ACOXL: variants seen among roughly 807,000 people sequenced by gnomAD.
ACOXL encodes the protein acyl-CoA oxidase like, also known as acyl-coenzyme A oxidase-like protein.
A neutral mutation model predicts 71.9 loss-of-function variants in ACOXL; 70 were observed. The ratio of observed to expected loss-of-function variants is 0.97; its 90% CI spans 0.80 to 1.19. The LOEUF (loss-of-function observed/expected upper bound fraction) is 1.19. Ranked by LOEUF, ACOXL falls within the 50% of genes most tolerant of loss-of-function variation. The pLI, the probability that ACOXL is intolerant of heterozygous loss-of-function variation, is 0.00. For synonymous variants in ACOXL, 253 were observed against 281.6 expected, an observed-to-expected ratio of 0.90 and a Z score of 1.02; for missense variants, 703 against 736.3, an observed-to-expected ratio of 0.95 and a Z score of 0.52.
chr2:110,852,110 G>A (rs1692673691), intron 10 of ACOXL, among the ~76,000 whole-genome samples: 1 of 152,200 alleles, frequency 6.6e-6, no homozygotes, highest in South Asian at 2.1e-4. Flanking sequence ...GCTGGTGTTT[G>A]TGGCAGGTCT....
At chr2:111,077,526 G>A (rs977676935) in intron 16 of ACOXL, among the ~76,000 whole-genome samples, 15 of 152,002 alleles carry the variant, frequency 9.9e-5, no homozygotes, top group South Asian at 2.1e-4. Context: ...CTCTTCCTTC[G>A]TTCCTGATTG....
At chr2:110,927,979 A>G (rs2149320725) in intron 11 of ACOXL, among the ~76,000 whole-genome samples, 1 of 152,342 alleles carries the variant, frequency 6.6e-6, no homozygotes, top group East Asian at 1.9e-4. Context: ...GAAAATGATT[A>G]ACAATTTTAA....
chr2:111,049,738 A>G (rs962828619), intron 16 of ACOXL, among the ~76,000 whole-genome samples: 1 of 152,186 alleles, frequency 6.6e-6, no homozygotes, highest in Non-Finnish European at 1.5e-5. Flanking sequence ...CACCACCAGA[A>G]TGAGCATCTT....
intron 2 of ACOXL, among the ~76,000 whole-genome samples, chr2:110,769,488 A>C (rs990370114): frequency 6.7e-6 from 1 of 148,946 alleles, no homozygotes; most frequent in African/African-American, 2.5e-5. Flanking sequence ...TGTCTCCACA[A>C]AAAAAAAAAT....
intron 12 of ACOXL, 77 bp from the exon 13 acceptor site, chr2:110,987,031 C>A: frequency 2.6e-6 from 3 of 1,169,670 alleles, no homozygotes; most frequent in South Asian, 1.4e-5. Context: ...ACAAATAGAT[C>A]TTATTGGGTT....
At chr2:110,852,546 T>C (rs1401572602) in intron 10 of ACOXL, among the ~76,000 whole-genome samples, 1 of 152,240 alleles carries the variant, frequency 6.6e-6, no homozygotes, top group East Asian at 1.9e-4. Flanking sequence ...GCTGCATTTA[T>C]AGGCAATTTT....
At chr2:110,892,157 A>G (rs766263573) in intron 10 of ACOXL, among the ~76,000 whole-genome samples, 1 of 152,200 alleles carries the variant, frequency 6.6e-6, no homozygotes, top group Non-Finnish European at 1.5e-5. Flanking sequence ...ATTTTCAATT[A>G]TGTGCAAGGA....
chr2:111,112,162 G>T (rs182656568), intron 17 of ACOXL, among the ~76,000 whole-genome samples: 1 of 152,282 alleles, frequency 6.6e-6, no homozygotes, highest in Non-Finnish European at 1.5e-5. Context: ...AATTTAAATT[G>T]ATTCAGAGAA....
At chr2:110,833,895 C>G (rs1057480446) in intron 9 of ACOXL, among the ~76,000 whole-genome samples, 1 of 152,134 alleles carries the variant, frequency 6.6e-6, no homozygotes, top group African/African-American at 2.4e-5. Context: ...TGTGGTCTTA[C>G]ATTGAAAAGC....
intron 10 of ACOXL, among the ~76,000 whole-genome samples, chr2:110,856,103 A>G (rs571691900): frequency 1.2e-4 from 18 of 152,190 alleles, no homozygotes; most frequent in African/African-American, 2.9e-4. Context: ...GCATTTTACA[A>G]TCCTCTTGCT....
Position 110,801,641 on chromosome 2 carries a change from A to G in ACOXL, c.548-11A>G, listed in dbSNP as rs201554795. On this transcript the variant is annotated splice_polypyrimidine_tract_variant and intron_variant, in intron 7 of 17. Transcript: ENST00000439055. ...GATGCTGCATCCATTTCCCCTTTCT[A>G]TTCTTGCCAGGTCTGCATGGTGTGG... 1.1e-4 allele frequency: 178 copies of G among 1,613,200 alleles called. No individual in the cohort carries two copies. The highest frequency in any genetic ancestry group is 1.3e-4 in the Non-Finnish European group (157 of 1,179,266).
At chr2:111,003,663 A>G (rs899315920) in intron 14 of ACOXL, among the ~76,000 whole-genome samples, 2 of 151,658 alleles carry the variant, frequency 1.3e-5, no homozygotes, top group African/African-American at 4.8e-5. Context: ...TTATGATATA[A>G]ATTTGTTACA....
intron 11 of ACOXL, among the ~76,000 whole-genome samples, chr2:110,918,139 C>T (rs1297702113): frequency 4.6e-5 from 7 of 152,176 alleles, no homozygotes; most frequent in South Asian, 2.1e-4. Context: ...GGAGGCATCA[C>T]GCTACCTGAC....
chr2:110,928,855 A>C (rs1212703815), intron 11 of ACOXL, among the ~76,000 whole-genome samples: 1 of 151,558 alleles, frequency 6.6e-6, no homozygotes, highest in African/African-American at 2.4e-5. Context: ...ATAAGGGGAA[A>C]CCCCTTTCAC....
intron 3 of ACOXL, among the ~76,000 whole-genome samples, chr2:110,789,284 G>A (rs1244076989): frequency 6.6e-6 from 1 of 152,204 alleles, no homozygotes; most frequent in Non-Finnish European, 1.5e-5. Context: ...GTGCAATCTG[G>A]AAGGACTCTA....
intron 10 of ACOXL, among the ~76,000 whole-genome samples, chr2:110,902,549 A>G (rs1380753562): frequency 6.6e-6 from 1 of 152,222 alleles, no homozygotes; most frequent in South Asian, 2.1e-4. Flanking sequence ...GGTCCCTTCC[A>G]TGATCCCAAG....
chr2:111,069,920 A>G (rs1377722236), intron 16 of ACOXL, among the ~76,000 whole-genome samples: 1 of 151,926 alleles, frequency 6.6e-6, no homozygotes, highest in Non-Finnish European at 1.5e-5. Context: ...GCACTGCAAC[A>G]CCACAAGGGG....
At chr2:111,040,922 G>A (rs2065751550) in intron 15 of ACOXL, among the ~76,000 whole-genome samples, 1 of 152,184 alleles carries the variant, frequency 6.6e-6, no homozygotes, top group East Asian at 1.9e-4. Context: ...ACTGTCAGTG[G>A]GGAGTCTTGG....
At chr2:111,006,353 C>T (rs895322068) in intron 14 of ACOXL, among the ~76,000 whole-genome samples, 8 of 152,118 alleles carry the variant, frequency 5.3e-5, no homozygotes, top group East Asian at 1.9e-4. Context: ...AGGGAAAGGA[C>T]GATGTCGTAG....
Sources: allele counts gnomAD v4.1 joint callset (sites outside exome capture counted in the v4.1 genomes callset), GRCh38; gene constraint gnomAD v4.1.1; transcripts MANE v1.5; gene names NCBI Gene and HGNC (gene_info 2026-07-23, HGNC 2026-07-21).